Variants in PNMT observed in about 807,000 individuals in gnomAD.
The protein encoded by PNMT is noradrenaline N-methyltransferase.
In PNMT, 18 loss-of-function variants were observed where a neutral mutation model predicts 18.9. That is an observed-to-expected ratio of 0.95 (90% CI 0.66 to 1.41). The LOEUF (loss-of-function observed/expected upper bound fraction) is 1.41. Among genes scored for constraint, PNMT ranks in the 40% most tolerant of loss-of-function variants. The probability of loss-of-function intolerance (pLI) is 0.00; values close to 1 mark genes in which losing one functional copy is unlikely to be tolerated. For missense variants in PNMT, 378 were observed against 387.0 expected, an observed-to-expected ratio of 0.98 and a Z score of 0.20; for synonymous variants, 167 against 168.6, an observed-to-expected ratio of 0.99 and a Z score of 0.08.
At position 39,670,400 on chromosome 17, in the gene PNMT, T is replaced by C; in HGVS notation, c.*11T>C. On this transcript the variant is annotated 3_prime_UTR_variant, in exon 3 of 3. Transcript: ENST00000269582. ...AAGGTTGGGCTGTGAGGGCTGTACCTGGTGCCCTGTGGCCCCCACCCACCT... is the reference window on the plus strand; with the variant it reads ...AAGGTTGGGCTGTGAGGGCTGTACCCGGTGCCCTGTGGCCCCCACCCACCT... 1.3e-6 allele frequency: 2 copies of C among 1,549,366 alleles called. No homozygotes were observed. The highest frequency in any genetic ancestry group is 8.7e-7 in the Non-Finnish European group (1 of 1,146,974).
rs1422595275 is a variant in PNMT at position 39,670,330 on chromosome 17, AC to A, written c.791del (p.Thr264LysfsTer3). ...CTATATCATGCCTGCCCACCTTCAG[AC>A]AGGCGTAGATGATGTCAAGGGCGTC... ...RTYIMPAHLQ[T>X]GVDDVKGVFF... On this transcript the variant is annotated frameshift_variant, in exon 3 of 3. Transcript: ENST00000269582. LOFTEE classifies it high-confidence loss of function. 2.5e-6 allele frequency: 4 copies of A among 1,610,378 alleles called. No individual in the cohort carries two copies. Among genetic ancestry groups the A allele is most frequent in the Non-Finnish European group, 3.4e-6 (4 of 1,179,270 alleles).
At chr17:39,668,735 C>A (rs2057275019) in intron 1 of PNMT, 58 bp downstream of exon 1, 2 of 1,368,420 alleles carry the variant, frequency 1.5e-6, no homozygotes, top group Non-Finnish European at 2.0e-6. Flanking sequence ...TGAAAGCAGG[C>A]GCAGGGAAAT....
At chr17:39,668,169 G>A (rs2057269494), upstream of PNMT, 1 of 339,248 alleles carries the variant, frequency 2.9e-6, no homozygotes, top group East Asian at 4.7e-5. Context: ...TGAGGGTGGG[G>A]GGCGCCCAGA....
chr17:39,669,478 T>C, intron 1 of PNMT, 151 bp from the exon 2 acceptor site: 1 of 643,464 alleles, frequency 1.6e-6, no homozygotes, highest in Non-Finnish European at 2.8e-6. Flanking sequence ...AGTCTAACTC[T>C]GGGGCCAATG....
At chr17:39,668,170 G>A (rs1443021722), upstream of PNMT, 2 of 335,922 alleles carry the variant, frequency 6.0e-6, no homozygotes, top group Admixed American at 5.1e-5. Context: ...GAGGGTGGGG[G>A]GCGCCCAGAG....
chr17:39,668,876 T>A (rs2057275803), intron 1 of PNMT, among the ~76,000 whole-genome samples, 199 bp downstream of exon 1: 1 of 134,972 alleles, frequency 7.4e-6, no homozygotes, highest in Non-Finnish European at 1.6e-5. Context: ...GAGAGAGAGG[T>A]GGAGAGAGGG....
rs763961331 is a variant in PNMT, at chr17:39,668,598, GC to G, written c.128del (p.Pro43LeufsTer57). 7 of 1,603,236 alleles carry G rather than the reference GC, an allele frequency of 4.4e-6. No homozygotes were observed. The highest frequency in any genetic ancestry group is 5.9e-6 in the Non-Finnish European group (7 of 1,178,466). ...PRAYLRNNYA[P>X]PRGDLCNPNG... ...GCGCCTACCTCCGCAACAACTACGC[GC>G]CCCCTCGCGGGGACCTGTGCAACCC... On this transcript the variant is annotated frameshift_variant, in exon 1 of 3. Transcript: ENST00000269582. LOFTEE classifies it high-confidence loss of function.
Position 39,668,634 on chromosome 17 carries a change from CG to C in PNMT, c.162del (p.Pro55ArgfsTer45). ...RGDLCNPNGV[G>X]PWKLRCLAQT... Reference sequence around the variant, plus strand: ...GGGACCTGTGCAACCCGAACGGCGTCGGGCCGTGGAAGCTGCGCTGCTTGGC... The same window carrying C: ...GGGACCTGTGCAACCCGAACGGCGTCGGCCGTGGAAGCTGCGCTGCTTGGC... On this transcript the variant is annotated frameshift_variant, in exon 1 of 3. Coordinates refer to ENST00000269582, the MANE Select transcript of PNMT (RefSeq NM_002686.4). LOFTEE classifies it high-confidence loss of function. The C allele has an allele frequency of 1.2e-6, 2 of 1,603,036 alleles. No individual in the cohort carries two copies. Among genetic ancestry groups the C allele is most frequent in the Non-Finnish European group, 1.7e-6 (2 of 1,176,440 alleles).
intron 1 of PNMT, among the ~76,000 whole-genome samples, 160 bp from the exon 2 acceptor site, chr17:39,669,469 G>A (rs770252264): frequency 1.3e-5 from 2 of 152,188 alleles, no homozygotes; most frequent in Non-Finnish European, 1.5e-5. Flanking sequence ...GCTGGGTTCA[G>A]TCTAACTCTG....
In PNMT at chr17:39,670,012, G is replaced by A. The variant is rs141973736; in HGVS notation, c.472G>A (p.Asp158Asn). 67 of 1,604,856 alleles carry A rather than the reference G, an allele frequency of 4.2e-5. No homozygotes were observed. In the African/African-American group the frequency reaches 6.8e-4, roughly 16 times the overall value. Reference protein sequence around the residue: ...RARVKRVLPIDVHQPQPLGAG... With the variant: ...RARVKRVLPINVHQPQPLGAG... ...CAGGGTGAAACGGGTCCTGCCCATC[G>A]ACGTGCACCAGCCCCAGCCCCTGGG... The change falls in exon 3 of 3, where the codon GAC (aspartate) becomes AAC (asparagine). Residue 158 changes from aspartate (D) to asparagine (N), a missense_variant. Coordinates refer to ENST00000269582, the MANE Select transcript of PNMT (RefSeq NM_002686.4).
At chr17:39,669,486 A>G (rs2057280224) in intron 1 of PNMT, 143 bp from the exon 2 acceptor site, 8 of 657,912 alleles carry the variant, frequency 1.2e-5, no homozygotes, top group South Asian at 1.1e-4. Context: ...TCTGGGGCCA[A>G]TGCTTTTTCC....
Position 39,668,611 on chromosome 17 carries a change from G to A in PNMT, c.136G>A (p.Asp46Asn), listed in dbSNP as rs765737103. 3 of 1,606,234 alleles carry A rather than the reference G, an allele frequency of 1.9e-6. No individual in the cohort carries two copies. Among genetic ancestry groups the A allele is most frequent in the South Asian group, 1.1e-5 (1 of 90,538 alleles). The change falls in exon 1 of 3, where the codon GAC (aspartate) becomes AAC (asparagine). Residue 46 changes from aspartate to asparagine, a missense_variant. Asp to Asn is a conservative substitution (Grantham distance 23, BLOSUM62 1). Transcript: ENST00000269582. ...CAACAACTACGCGCCCCCTCGCGGG[G>A]ACCTGTGCAACCCGAACGGCGTCGG... is the stretch of plus-strand genomic sequence containing the variant. ...LRNNYAPPRG[D>N]LCNPNGVGPW...
chr17:39,669,438 C>T (rs533351474), intron 1 of PNMT, among the ~76,000 whole-genome samples, 191 bp from the exon 2 acceptor site: 2 of 152,298 alleles, frequency 1.3e-5, no homozygotes, highest in East Asian at 1.9e-4. Flanking sequence ...AGTTCCCTTC[C>T]GAAGGGCAGC....
In PNMT at chr17:39,669,167, G is replaced by A. The variant is rs574161880; in HGVS notation, c.203-462G>A. On this transcript the variant is annotated intron_variant, in intron 1 of 2. Transcript: ENST00000269582. ...GCCATCTCGGCTCACTGCAACCTCC[G>A]CCTCCCCGGTTCAAGCGATTCTCTT... Among the ~76,000 whole-genome samples the A allele has an allele frequency of 6.6e-5, 10 of 152,088 alleles. No individual in the cohort carries two copies. The South Asian group carries it at 1.2e-3, about 19-fold the overall frequency.
Position 39,670,475 on chromosome 17 carries a change from C to A in PNMT, c.*86C>A, listed in dbSNP as rs5644. ...ACCTAATAAAGAAATAATACCCTGC[C>A]GCTGCGGTCAGTGCTGTGTGTGGCT... On this transcript the variant is annotated 3_prime_UTR_variant, in exon 3 of 3. Coordinates refer to ENST00000269582, the MANE Select transcript of PNMT (RefSeq NM_002686.4). 1.9e-6 allele frequency: 2 copies of A among 1,076,318 alleles called. No individual in the cohort carries two copies. The highest frequency in any genetic ancestry group is 2.6e-6 in the Non-Finnish European group (2 of 764,204). 66.7% of individuals were successfully genotyped at this position (1,076,318 alleles called of 1,614,324 possible).
In PNMT at chr17:39,670,194, G is replaced by A. The variant is rs1328748863; in HGVS notation, c.654G>A (p.Glu218=). 1.2e-6 allele frequency: 2 copies of A among 1,612,096 alleles called. No homozygotes were observed. The highest frequency in any genetic ancestry group is 1.3e-5 in the African/African-American group (1 of 74,888). The change falls in exon 3 of 3, where the codon GAG becomes GAA. Residue 218 remains glutamate, a synonymous_variant. Coordinates refer to ENST00000269582, the MANE Select transcript of PNMT (RefSeq NM_002686.4). The stretch of plus-strand genomic sequence containing the variant: ...ACCTCCTCCTCATCGGGGCCCTGGA[G>A]GAGTCGTGGTACCTGGCTGGGGAGG... ...GGHLLLIGAL[E]ESWYLAGEAR...
At chr17:39,669,926 G>A in intron 2 of PNMT, 25 bp from the exon 3 acceptor site, 2 of 1,593,910 alleles carry the variant, frequency 1.3e-6, no homozygotes, top group South Asian at 2.3e-5. Context: ...ACAGCCTTGA[G>A]CCCTGCCTTG....
At chr17:39,668,162 G>C, upstream of PNMT, 1 of 336,032 alleles carries the variant, frequency 3.0e-6, no homozygotes, top group Non-Finnish European at 5.3e-6. Context: ...GAGGAACTGA[G>C]GGTGGGGGGC....
chr17:39,669,585 C>G lies in PNMT; in HGVS notation c.203-44C>G, dbSNP rs1597807813. 3 of 1,495,184 alleles carry G rather than the reference C, an allele frequency of 2.0e-6. No individual in the cohort carries two copies. The African/African-American group carries it at 4.1e-5, about 21-fold the overall frequency. 92.6% of individuals were successfully genotyped at this position (1,495,184 alleles called of 1,614,324 possible). A position where few individuals can be genotyped will look rare whatever the true frequency, so the allele number is the denominator to read the frequency against. On this transcript the variant is annotated intron_variant, in intron 1 of 2. Transcript: ENST00000269582. Reference sequence around the variant, plus strand: ...GGAAGGGTAAGGAGGCAGGGGCTGCCTGGGCTGGCTGGCACCAGGACCCTC... The same window carrying G: ...GGAAGGGTAAGGAGGCAGGGGCTGCGTGGGCTGGCTGGCACCAGGACCCTC...
Sources: gnomAD v4.1 joint callset for allele counts (sites outside exome capture counted in the v4.1 genomes callset) on GRCh38, gnomAD v4.1.1 for gene constraint, MANE v1.5 for transcripts, NCBI Gene and HGNC (gene_info 2026-07-23, HGNC 2026-07-21) for gene names.